JMJD1C: variants seen among roughly 807,000 people sequenced by gnomAD.
JMJD1C encodes jumonji domain-containing protein 1C.
A neutral mutation model predicts 245.3 loss-of-function variants in JMJD1C; 31 were observed. The observed-to-expected ratio is 0.13, with a 90% CI of 0.09 to 0.17. The LOEUF (loss-of-function observed/expected upper bound fraction) is 0.17. Ranked by LOEUF, JMJD1C falls within the 10% of genes least tolerant of loss-of-function variation. The pLI, the probability that JMJD1C is intolerant of heterozygous loss-of-function variation, is 1.00. For missense variants in JMJD1C, 2,691 were observed against 3,000.2 expected, an observed-to-expected ratio of 0.90 and a Z score of 2.41; for synonymous variants, 1,057 against 1,017.4, an observed-to-expected ratio of 1.04 and a Z score of -0.74.
At chr10:63,444,133 TGAG>T (rs932702085) in intron 1 of JMJD1C, among the ~76,000 whole-genome samples, 5 of 152,232 alleles carry the variant, frequency 3.3e-5, no homozygotes, top group African/African-American at 7.2e-5. Context: ...AGTAAGTGAC[TGAG>T]GAGTTTTCTG....
intron 1 of JMJD1C, among the ~76,000 whole-genome samples, chr10:63,391,986 T>C (rs370780563): frequency 5.3e-4 from 80 of 152,244 alleles, no homozygotes; most frequent in African/African-American, 1.9e-3. Context: ...AAAGTAAAAG[T>C]TGCTAACAGT....
chr10:63,308,609 G>GAAAAA (rs58302652), intron 2 of JMJD1C, among the ~76,000 whole-genome samples: 1 of 129,788 alleles, frequency 7.7e-6, no homozygotes, highest in African/African-American at 2.9e-5. Context: ...GCTGCTATAG[G>GAAAAA]AAAAAAAAAA....
intron 8 of JMJD1C, among the ~76,000 whole-genome samples, chr10:63,211,566 T>TG (rs1847338474): frequency 6.6e-6 from 1 of 152,022 alleles, no homozygotes; most frequent in Admixed American, 6.6e-5. Flanking sequence ...CACAAACTTT[T>TG]GGCATGATGA....
chr10:63,223,230 T>G (rs66929943), intron 3 of JMJD1C, among the ~76,000 whole-genome samples: 140 of 6,704 alleles, frequency 0.021, no homozygotes, highest in Non-Finnish European at 0.046. Context: ...TTCTGTGCTG[T>G]TTTTTTTTTT....
intron 2 of JMJD1C, among the ~76,000 whole-genome samples, chr10:63,342,960 A>G (rs1943504893): frequency 6.6e-6 from 1 of 152,228 alleles, no homozygotes; most frequent in Admixed American, 6.5e-5. Context: ...CACCTCCCCA[A>G]GATATCTCAA....
intron 1 of JMJD1C, among the ~76,000 whole-genome samples, chr10:63,462,186 G>A (rs758222973): frequency 6.6e-6 from 1 of 152,070 alleles, no homozygotes; most frequent in Admixed American, 6.5e-5. Flanking sequence ...TGTTAGCAAA[G>A]ATAATTCCAA....
At chr10:63,213,184 C>CAAAAAA (rs1353771228) in intron 8 of JMJD1C, among the ~76,000 whole-genome samples, 1 of 55,944 alleles carries the variant, frequency 1.8e-5, no homozygotes, top group African/African-American at 6.6e-5. Flanking sequence ...GACTCCATCT[C>CAAAAAA]AAAAAAAAAA....
intron 1 of JMJD1C, among the ~76,000 whole-genome samples, chr10:63,411,293 ATTTTTTTTTTTTT>A (rs58719205): frequency 1.8e-4 from 15 of 84,560 alleles, no homozygotes; most frequent in South Asian, 1.2e-3. Flanking sequence ...TGTGTCACTG[ATTTTTTTTTTTTT>A]TTTTTTTTTT....
chr10:63,275,545 T>C (rs1048479832), intron 2 of JMJD1C, among the ~76,000 whole-genome samples: 2 of 152,164 alleles, frequency 1.3e-5, no homozygotes, highest in African/African-American at 2.4e-5. Context: ...GGAAAGATGA[T>C]AAAACACCAA....
intron 3 of JMJD1C, among the ~76,000 whole-genome samples, chr10:63,261,306 G>A (rs926921881): frequency 1.3e-5 from 2 of 152,124 alleles, no homozygotes; most frequent in Non-Finnish European, 2.9e-5. Flanking sequence ...AGTGCCGGGC[G>A]CAGTGGCTCA....
At chr10:63,255,116 G>A (rs1853692178) in intron 3 of JMJD1C, among the ~76,000 whole-genome samples, 1 of 152,130 alleles carries the variant, frequency 6.6e-6, no homozygotes. Flanking sequence ...AAAGTGCTAG[G>A]ATTACAGTTG....
chr10:63,302,875 T>A (rs150277905), intron 2 of JMJD1C, among the ~76,000 whole-genome samples: 1 of 152,154 alleles, frequency 6.6e-6, no homozygotes, highest in East Asian at 1.9e-4. Flanking sequence ...GTGATAAACA[T>A]CCACTTCTTC....
chr10:63,429,815 T>C (rs1360016317), intron 1 of JMJD1C, among the ~76,000 whole-genome samples: 2 of 152,216 alleles, frequency 1.3e-5, no homozygotes, highest in Non-Finnish European at 2.9e-5. Flanking sequence ...TATCTCTAAC[T>C]GAATGCTCCA....
chr10:63,298,343 C>T (rs1252322648), intron 2 of JMJD1C, among the ~76,000 whole-genome samples: 2 of 152,220 alleles, frequency 1.3e-5, no homozygotes, highest in Non-Finnish European at 2.9e-5. Flanking sequence ...ACATCTGTGA[C>T]ATAAACAGGA....
intron 1 of JMJD1C, among the ~76,000 whole-genome samples, chr10:63,480,119 T>TTA (rs1226115230): frequency 2.0e-5 from 3 of 152,172 alleles, no homozygotes; most frequent in Non-Finnish European, 4.4e-5. Flanking sequence ...CACTATATAG[T>TTA]TAGTTGTAGT....
At chr10:63,199,327 A>G (rs1471641640) in intron 11 of JMJD1C, among the ~76,000 whole-genome samples, 1 of 152,148 alleles carries the variant, frequency 6.6e-6, no homozygotes, top group Non-Finnish European at 1.5e-5. Flanking sequence ...CAAAATTGCC[A>G]TTCTCTTACT....
intron 2 of JMJD1C, among the ~76,000 whole-genome samples, chr10:63,273,077 A>G (rs569437648): frequency 6.6e-6 from 1 of 152,370 alleles, no homozygotes; most frequent in Non-Finnish European, 1.5e-5. Context: ...TGGTTGAATT[A>G]AAATAAGACT....
In JMJD1C at chr10:63,519,869, T is replaced by C. The variant is rs563896637; in HGVS notation, n.113+1869A>G. On this transcript the variant is annotated intron_variant and non_coding_transcript_variant, in intron 1 of 3. Transcript: ENST00000633035. Reference sequence around the variant, plus strand: ...TGTAAAGCTATTTCAGGACCTTTCATGAAGGGATCTGAATGATATTCAAAT... The same window carrying C: ...TGTAAAGCTATTTCAGGACCTTTCACGAAGGGATCTGAATGATATTCAAAT... 9.8e-5 allele frequency among the ~76,000 whole-genome samples: 15 copies of C among 152,328 alleles called. 1 individual carries two copies. In the South Asian group the frequency reaches 2.9e-3, roughly 29 times the overall value.
intron 14 of JMJD1C, 79 bp downstream of exon 14, chr10:63,194,207 T>C (rs939474314): frequency 1.1e-6 from 1 of 889,944 alleles, no homozygotes; most frequent in Non-Finnish European, 1.9e-6. Flanking sequence ...CCCTGTTATA[T>C]TTCTAGATAC....
Sources: gnomAD v4.1 joint callset for allele counts (sites outside exome capture counted in the v4.1 genomes callset) on GRCh38, gnomAD v4.1.1 for gene constraint, MANE v1.5 for transcripts, NCBI Gene and HGNC (gene_info 2026-07-23, HGNC 2026-07-21) for gene names.